Variants in CC2D2A observed in about 807,000 individuals in gnomAD.
CC2D2A encodes the protein coiled-coil and C2 domain containing 2A.
CC2D2A carries 155 observed loss-of-function variants against 212.9 expected under a neutral mutation model. The ratio of observed to expected loss-of-function variants is 0.73; its 90% CI spans 0.64 to 0.83. The LOEUF (loss-of-function observed/expected upper bound fraction) is 0.83. CC2D2A is among the 40% of genes least tolerant of loss of function. The pLI is 0.00. For synonymous variants in CC2D2A, 667 were observed against 686.5 expected (o/e 0.97, Z 0.44); for missense variants, 1,856 against 1,956.2 (o/e 0.95, Z 0.97).
At chr4:15,567,597 A>G in intron 25 of CC2D2A, 80 bp from the exon 26 acceptor site, 1 of 1,297,732 alleles carries the variant, frequency 7.7e-7, no homozygotes, top group Non-Finnish European at 1.1e-6. Flanking sequence ...CATACTACTT[A>G]GTAAATATAC....
rs765661601 is a variant in CC2D2A, at chr4:15,574,198, A to C, written c.3643A>C (p.Ser1215Arg). ...IDIPPVLLGY[S>R]KERNMILERG... is the part of the protein sequence containing the mutation. Reference sequence around the variant, plus strand: ...TATTCCCCCAGTTCTTCTGGGCTACAGTAAGGAGCGAAATATGATTCTTGA... The same window carrying C: ...TATTCCCCCAGTTCTTCTGGGCTACCGTAAGGAGCGAAATATGATTCTTGA... The change falls in exon 29 of 37, where the codon AGT becomes CGT. Residue 1215 changes from serine to arginine, a missense_variant. Around this residue, in one of 5 missense-constraint regions of CC2D2A, gnomAD observed 1,512 missense variants for 1,579.3 expected, o/e 0.96. Coordinates refer to ENST00000424120, the MANE Select transcript of CC2D2A (RefSeq NM_001378615.1). 1 of 1,551,450 alleles carries C rather than the reference A, an allele frequency of 6.4e-7. No individual in the cohort carries two copies. The highest frequency in any genetic ancestry group is 8.7e-7 in the Non-Finnish European group (1 of 1,146,814).
At chr4:15,558,893 G>A (rs1283144415) in intron 21 of CC2D2A, among the ~76,000 whole-genome samples, 1 of 152,172 alleles carries the variant, frequency 6.6e-6, no homozygotes, top group Non-Finnish European at 1.5e-5. Flanking sequence ...GCTTGGAAGA[G>A]CTTCTCTGTG....
At chr4:15,516,492 C>G in intron 10 of CC2D2A, 133 bp from the exon 11 acceptor site, 1 of 763,528 alleles carries the variant, frequency 1.3e-6, no homozygotes, top group Non-Finnish European at 2.0e-6. Flanking sequence ...AGAACTTTTA[C>G]AGTTCTGTTG....
At chr4:15,526,637 A>C (rs2109023310) in intron 11 of CC2D2A, among the ~76,000 whole-genome samples, 1 of 152,360 alleles carries the variant, frequency 6.6e-6, no homozygotes, top group South Asian at 2.1e-4. Flanking sequence ...AAAAGGAAGG[A>C]TCAAGTGATG....
rs758953643 is a variant in CC2D2A, at chr4:15,516,737, T to C, written c.1130T>C (p.Leu377Pro). 2 of 1,612,628 alleles carry C rather than the reference T, an allele frequency of 1.2e-6. No homozygotes were observed. The highest frequency in any genetic ancestry group is 1.7e-6 in the Non-Finnish European group (2 of 1,179,188). The change falls in exon 11 of 37, where the codon CTT (leucine) becomes CCT (proline). Residue 377 changes from leucine to proline, a missense_variant. Coordinates refer to ENST00000424120, the MANE Select transcript of CC2D2A (RefSeq NM_001378615.1). The stretch of plus-strand genomic sequence containing the variant: ...CAGGAGCAGAGCATTAAGGCAGAGC[T>C]TGAAACACTGTATAAAAAGGTAGAC... Reference protein sequence around the residue: ...LTQEQSIKAELETLYKKAVKY... With the variant: ...LTQEQSIKAEPETLYKKAVKY...
chr4:15,473,314 G>C (rs1713960064), intron 1 of CC2D2A: 5 of 152,176 alleles, frequency 3.3e-5, no homozygotes, highest in Admixed American at 3.3e-4. Context: ...AAGGTAGTTA[G>C]GGAATTCCAG....
intron 23 of CC2D2A, 98 bp downstream of exon 23, chr4:15,560,720 G>C: frequency 1.7e-6 from 1 of 588,700 alleles, no homozygotes; most frequent in Non-Finnish European, 3.0e-6. Flanking sequence ...AAAAATCATC[G>C]TATGGTATGC....
At chr4:15,530,214 G>A (rs1001366963) in intron 13 of CC2D2A, among the ~76,000 whole-genome samples, 5 of 152,068 alleles carry the variant, frequency 3.3e-5, no homozygotes, top group Non-Finnish European at 7.4e-5. Flanking sequence ...CTCGTGATCT[G>A]CCCGCCTTGG....
chr4:15,601,177 G>A (rs1721577218), intron 36 of CC2D2A, 60 bp from the exon 37 acceptor site: 3 of 1,356,634 alleles, frequency 2.2e-6, no homozygotes, highest in Middle Eastern at 1.9e-4. Context: ...CATTTACGTA[G>A]GAAAAAATGT....
intron 23 of CC2D2A, among the ~76,000 whole-genome samples, chr4:15,562,665 T>C (rs1719669267): frequency 6.6e-6 from 1 of 152,246 alleles, no homozygotes; most frequent in Admixed American, 6.5e-5. Flanking sequence ...CACTTCCTTA[T>C]TCAATCCCTT....
At chr4:15,583,748 G>C (rs1231217228) in intron 30 of CC2D2A, among the ~76,000 whole-genome samples, 1 of 152,096 alleles carries the variant, frequency 6.6e-6, no homozygotes, top group African/African-American at 2.4e-5. Context: ...AGGAGATCTA[G>C]ACCATCCTGG....
chr4:15,597,634 G>C (rs1721376993), intron 35 of CC2D2A, among the ~76,000 whole-genome samples, 169 bp downstream of exon 35: 4 of 152,184 alleles, frequency 2.6e-5, no homozygotes, highest in Admixed American at 2.6e-4. Flanking sequence ...TGGCTCAAAA[G>C]GAGCCTTTAG....
intron 4 of CC2D2A, chr4:15,492,908 C>G: frequency 1.8e-6 from 1 of 550,602 alleles, no homozygotes; most frequent in South Asian, 1.5e-5. Flanking sequence ...CTCAGTGTAG[C>G]CCAGAATGCC....
chr4:15,490,447 C>T (rs1268573301), intron 4 of CC2D2A, among the ~76,000 whole-genome samples: 2 of 152,110 alleles, frequency 1.3e-5, no homozygotes, highest in Non-Finnish European at 2.9e-5. Context: ...TTTTGAGATT[C>T]GTAAGTATTG....
At chr4:15,569,174 A>G (rs1720038957) in intron 26 of CC2D2A, 119 bp from the exon 27 acceptor site, 6 of 633,202 alleles carry the variant, frequency 9.5e-6, no homozygotes, top group Admixed American at 2.7e-5. Flanking sequence ...AATGAAAGCA[A>G]TGCTTTTAAT....
At chr4:15,474,339 T>C (rs539013177) in intron 1 of CC2D2A, among the ~76,000 whole-genome samples, 1 of 152,288 alleles carries the variant, frequency 6.6e-6, no homozygotes, top group South Asian at 2.1e-4. Flanking sequence ...AGTGAGAACA[T>C]GCAAATGACA....
chr4:15,576,247 G>A, intron 29 of CC2D2A: 1 of 218,870 alleles, frequency 4.6e-6, no homozygotes, highest in Non-Finnish European at 7.7e-6. Flanking sequence ...ATGTCCAAAA[G>A]AGGCAGTGGC....
At chr4:15,580,495 T>C (rs1472171871) in intron 30 of CC2D2A, among the ~76,000 whole-genome samples, 1 of 151,834 alleles carries the variant, frequency 6.6e-6, no homozygotes, top group Non-Finnish European at 1.5e-5. Flanking sequence ...AAAATTAGCC[T>C]GGTGTGGTGG....
chr4:15,601,169 T>C (rs1312300821), intron 36 of CC2D2A, 68 bp from the exon 37 acceptor site: 3 of 1,296,718 alleles, frequency 2.3e-6, no homozygotes, highest in Non-Finnish European at 2.2e-6. Context: ...ATTGCATACA[T>C]TTACGTAGGA....
Sources: allele counts gnomAD v4.1 joint callset (sites outside exome capture counted in the v4.1 genomes callset), GRCh38; gene constraint gnomAD v4.1.1; regional missense constraint gnomAD v4.1.1; transcripts MANE v1.5; gene names NCBI Gene and HGNC (gene_info 2026-07-23, HGNC 2026-07-21).